The following DLGAP4 variants were observed in gnomAD, a reference collection of about 807,000 sequenced individuals.
The protein encoded by DLGAP4 is DLG associated protein 4, also known as disks large-associated protein 4.
DLGAP4 carries 18 observed loss-of-function variants against 86.9 expected under a neutral mutation model. The ratio of observed to expected loss-of-function variants is 0.21; its 90% CI spans 0.14 to 0.31. DLGAP4 has a LOEUF of 0.31. Among genes scored for constraint, DLGAP4 ranks in the 10% least tolerant of loss-of-function variants. DLGAP4 has a pLI of 1.00. For missense variants in DLGAP4, 1,085 were observed against 1,362.6 expected, an observed-to-expected ratio of 0.80 and a Z score of 3.21; for synonymous variants, 548 against 574.3, an observed-to-expected ratio of 0.95 and a Z score of 0.65.
chr20:36,526,815 AGAG>A lies in DLGAP4; in HGVS notation c.2764_2766del (p.Glu922del), dbSNP rs769789246. 5 of 1,600,026 alleles carry A rather than the reference AGAG, an allele frequency of 3.1e-6. No individual in the cohort carries two copies. Among genetic ancestry groups the A allele is most frequent in the Middle Eastern group, 2.1e-4 (1 of 4,706 alleles). ...CTCTCCTCACTGTCTCACTAAAGGAAGAGAAGAAACCACCCCCTCCGGTCCCAA... is the reference window on the plus strand; with the variant it reads ...CTCTCCTCACTGTCTCACTAAAGGAAAAGAAACCACCCCCTCCGGTCCCAA... On this transcript the variant is annotated inframe_deletion, in exon 13 of 13. Transcript: ENST00000339266.
intron 5 of DLGAP4, among the ~76,000 whole-genome samples, 183 bp from the exon 6 acceptor site, chr20:36,442,544 C>T (rs1369578790): frequency 6.6e-6 from 1 of 152,324 alleles, no homozygotes; most frequent in South Asian, 2.1e-4. Flanking sequence ...TGCCCAGCCC[C>T]AGAAGGAGTG....
intron 2 of DLGAP4, among the ~76,000 whole-genome samples, chr20:36,400,674 G>A (rs553825305): frequency 2.6e-5 from 4 of 152,114 alleles, no homozygotes; most frequent in African/African-American, 9.6e-5. Flanking sequence ...TGGGGGTGGG[G>A]AAGAGGCTTG....
chr20:36,399,636 A>T (rs896765468), intron 2 of DLGAP4, among the ~76,000 whole-genome samples: 1 of 152,232 alleles, frequency 6.6e-6, no homozygotes, highest in African/African-American at 2.4e-5. Context: ...CCCTTCAGTT[A>T]GCTCTGTCAA....
At chr20:36,476,319 T>A (rs1474846886) in intron 7 of DLGAP4, among the ~76,000 whole-genome samples, 3 of 92,238 alleles carry the variant, frequency 3.3e-5, no homozygotes, top group East Asian at 3.0e-4. Flanking sequence ...GGCAACCACC[T>A]TTTTTTTTTT....
At chr20:36,358,721 T>C (rs1161867816) in intron 1 of DLGAP4, among the ~76,000 whole-genome samples, 2 of 151,956 alleles carry the variant, frequency 1.3e-5, no homozygotes, top group Non-Finnish European at 2.9e-5. Flanking sequence ...GGCAGGAGAA[T>C]GGCGTGAACC....
At chr20:36,436,569 C>A (rs1019833601) in intron 4 of DLGAP4, among the ~76,000 whole-genome samples, 1 of 152,224 alleles carries the variant, frequency 6.6e-6, no homozygotes, top group African/African-American at 2.4e-5. Context: ...GTAATCCCAG[C>A]ACTTTGGGAG....
rs759894779 is a variant in DLGAP4 at position 36,431,695 on chromosome 20, G to T, written c.-23G>T. 4.5e-6 allele frequency: 7 copies of T among 1,556,470 alleles called. No homozygotes were observed. The highest frequency in any genetic ancestry group is 4.4e-6 in the Non-Finnish European group (5 of 1,149,392). The stretch of plus-strand genomic sequence containing the variant: ...ACCCGGGCGCCCTGCTAGGGTGAAG[G>T]CCCCTGCCCTCGGCCCGGGATCATG... On this transcript the variant is annotated 5_prime_UTR_variant, in exon 3 of 13. Coordinates refer to ENST00000339266, the MANE Select transcript of DLGAP4 (RefSeq NM_001365621.2). The surrounding 1 kb of genome is among the most constrained non-coding windows in gnomAD (Gnocchi z 5.1).
chr20:36,436,983 AGG>A (rs1283345053), intron 4 of DLGAP4, among the ~76,000 whole-genome samples: 1 of 152,094 alleles, frequency 6.6e-6, no homozygotes, highest in Non-Finnish European at 1.5e-5. Flanking sequence ...CTCGTCCCCT[AGG>A]TGAACCCCTC....
chr20:36,429,383 CCT>C (rs1406484012), intron 2 of DLGAP4, among the ~76,000 whole-genome samples: 2 of 146,732 alleles, frequency 1.4e-5, no homozygotes, highest in Admixed American at 7.0e-5. Context: ...CTGGCCCATT[CCT>C]GTTTCTTTTT....
chr20:36,452,992 C>G (rs1374396021), intron 7 of DLGAP4, among the ~76,000 whole-genome samples: 1 of 151,962 alleles, frequency 6.6e-6, no homozygotes, highest in Admixed American at 6.6e-5. Context: ...GCCACCATGC[C>G]TGGCTAATTT....
At chr20:36,385,597 G>A (rs1362863742) in intron 2 of DLGAP4, among the ~76,000 whole-genome samples, 2 of 152,190 alleles carry the variant, frequency 1.3e-5, no homozygotes, top group Admixed American at 1.3e-4. Context: ...ACATTCCTTC[G>A]GGCAGGCAGT....
chr20:36,369,261 G>A (rs1600443186), intron 2 of DLGAP4, among the ~76,000 whole-genome samples: 1 of 152,184 alleles, frequency 6.6e-6, no homozygotes, highest in South Asian at 2.1e-4. Context: ...CAGCAGAGTG[G>A]CCACACAGTC....
intron 7 of DLGAP4, chr20:36,461,467 C>T: frequency 1.0e-6 from 1 of 980,716 alleles, no homozygotes; most frequent in Non-Finnish European, 1.2e-6. Flanking sequence ...GCCCCTCGGG[C>T]GTACAAAACC....
intron 1 of DLGAP4, among the ~76,000 whole-genome samples, chr20:36,364,354 C>G (rs975167656): frequency 6.6e-6 from 1 of 151,938 alleles, no homozygotes; most frequent in Non-Finnish European, 1.5e-5. Flanking sequence ...GAGGCCAGGC[C>G]TGGGCAACAT....
chr20:36,457,945 T>C (rs923135089), intron 7 of DLGAP4, among the ~76,000 whole-genome samples: 3 of 151,486 alleles, frequency 2.0e-5, no homozygotes, highest in Admixed American at 2.0e-4. Flanking sequence ...AGTGAAGACT[T>C]GAAGGAAGTG....
intron 1 of DLGAP4, among the ~76,000 whole-genome samples, chr20:36,354,189 C>A (rs1483550715): frequency 6.6e-6 from 1 of 152,158 alleles, no homozygotes; most frequent in Non-Finnish European, 1.5e-5. Context: ...TGCAGCTCCA[C>A]CCCTGGCCTT....
intron 7 of DLGAP4, among the ~76,000 whole-genome samples, chr20:36,481,406 C>T (rs2035181244): frequency 6.6e-6 from 1 of 152,114 alleles, no homozygotes. Context: ...CCAGGGTGAC[C>T]ATCCTAGCCT....
At chr20:36,490,678 G>A (rs1021605625) in intron 7 of DLGAP4, among the ~76,000 whole-genome samples, 1 of 152,208 alleles carries the variant, frequency 6.6e-6, no homozygotes, top group Non-Finnish European at 1.5e-5. Flanking sequence ...TTCCTCTTGA[G>A]GAGTGTAGAC....
chr20:36,418,153 G>A (rs369051197), intron 2 of DLGAP4, among the ~76,000 whole-genome samples: 24 of 151,320 alleles, frequency 1.6e-4, no homozygotes, highest in East Asian at 9.8e-4. Context: ...CGCTCTTGCC[G>A]TCCAGGCTGG....
Sources: gnomAD v4.1 joint callset for allele counts (sites outside exome capture counted in the v4.1 genomes callset) on GRCh38, gnomAD v4.1.1 for gene constraint, Gnocchi (gnomAD v3.1) non-coding constraint, MANE v1.5 for transcripts, NCBI Gene and HGNC (gene_info 2026-07-23, HGNC 2026-07-21) for gene names.